MYH15: variants seen among roughly 807,000 people sequenced by gnomAD.
MYH15 encodes the protein myosin-15.
In MYH15, 227 loss-of-function variants were observed where a neutral mutation model predicts 240.5. The observed-to-expected ratio is 0.94, with a 90% CI of 0.85 to 1.05. The LOEUF (loss-of-function observed/expected upper bound fraction) is 1.05, where lower values mean the gene tolerates loss of function less well. Ranked by LOEUF, MYH15 falls within the 50% of genes least tolerant of loss-of-function variation. The pLI is 0.00. For missense variants in MYH15, 2,217 were observed against 2,247.5 expected (o/e 0.99, Z 0.27); for synonymous variants, 785 against 796.7 (o/e 0.99, Z 0.25).
rs9839470 is a variant in MYH15 at position 108,400,002 on chromosome 3, C to T, written c.4737-735G>A. Among the ~76,000 whole-genome samples the T allele has an allele frequency of 6.4e-3, 968 of 152,272 alleles. 11 individuals are homozygous for T. The highest frequency in any genetic ancestry group is 8.3e-3 in the Non-Finnish European group (564 of 68,026). On this transcript the variant is annotated intron_variant, in intron 33 of 40. Coordinates refer to ENST00000693548, the MANE Select transcript of MYH15 (RefSeq NM_014981.3). ...AGAATCCATGGGAATTTGTATTTCC[C>T]AAACTGTTTGTAGTTAGTTTGGGAC...
At chr3:108,504,035 G>T (rs770329268) in intron 2 of MYH15, among the ~76,000 whole-genome samples, 4 of 152,192 alleles carry the variant, frequency 2.6e-5, no homozygotes, top group African/African-American at 4.8e-5. Context: ...CTTAGTGAAA[G>T]AAGCCAGAAA....
chr3:108,435,901 T>C (rs750555321), intron 25 of MYH15, among the ~76,000 whole-genome samples: 11 of 151,862 alleles, frequency 7.2e-5, no homozygotes, highest in Non-Finnish European at 1.3e-4. Context: ...AGTGAATATT[T>C]AGGTTGCTTC....
At chr3:108,436,426 G>C (rs893083563) in intron 25 of MYH15, among the ~76,000 whole-genome samples, 3 of 152,192 alleles carry the variant, frequency 2.0e-5, no homozygotes, top group African/African-American at 4.8e-5. Flanking sequence ...GCCTCACCAA[G>C]AGCATGTATA....
intron 33 of MYH15, among the ~76,000 whole-genome samples, chr3:108,401,238 T>C (rs1478186049): frequency 6.6e-6 from 1 of 152,108 alleles, no homozygotes; most frequent in Non-Finnish European, 1.5e-5. Flanking sequence ...CCTTTAAAGA[T>C]GTAATTAAGA....
chr3:108,465,067 T>C (rs1016605166), intron 14 of MYH15, among the ~76,000 whole-genome samples: 1 of 152,160 alleles, frequency 6.6e-6, no homozygotes, highest in South Asian at 2.1e-4. Context: ...GGTGCGTACA[T>C]TTAGTGGAGT....
intron 15 of MYH15, among the ~76,000 whole-genome samples, chr3:108,463,623 T>G (rs1315631334): frequency 6.6e-6 from 1 of 152,148 alleles, no homozygotes; most frequent in African/African-American, 2.4e-5. Flanking sequence ...GGAGCCACCA[T>G]GCCCAGCCTT....
intron 21 of MYH15, among the ~76,000 whole-genome samples, chr3:108,446,701 C>G (rs1455824447): frequency 2.0e-5 from 3 of 152,078 alleles, no homozygotes; most frequent in Non-Finnish European, 4.4e-5. Context: ...TTAGCAACAA[C>G]GTCCTAAAAT....
At chr3:108,412,265 A>G (rs1453032650) in intron 30 of MYH15, among the ~76,000 whole-genome samples, 6 of 152,144 alleles carry the variant, frequency 3.9e-5, no homozygotes, top group African/African-American at 1.4e-4. Context: ...TGTTGTTCTC[A>G]TGACAGCGAG....
upstream of MYH15, among the ~76,000 whole-genome samples, chr3:108,532,885 A>C (rs2083721052): frequency 6.6e-6 from 1 of 152,142 alleles, no homozygotes; most frequent in African/African-American, 2.4e-5. Flanking sequence ...CTGCCAAACC[A>C]ATGTATTGGC....
intron 33 of MYH15, among the ~76,000 whole-genome samples, chr3:108,403,152 C>T (rs1028559367): frequency 1.2e-4 from 18 of 152,172 alleles, no homozygotes; most frequent in African/African-American, 3.6e-4. Flanking sequence ...ATACCAGCTG[C>T]TTGTACTTTT....
intron 15 of MYH15, 57 bp from the exon 16 acceptor site, chr3:108,463,300 A>G: frequency 6.5e-7 from 1 of 1,542,792 alleles, no homozygotes; most frequent in East Asian, 2.3e-5. Context: ...ATAAGTTAAC[A>G]TGGAAGGCTG....
intron 35 of MYH15, among the ~76,000 whole-genome samples, 199 bp from the exon 36 acceptor site, chr3:108,394,355 G>C (rs1257375284): frequency 2.6e-5 from 4 of 152,208 alleles, no homozygotes; most frequent in African/African-American, 9.7e-5. Context: ...TCACCCATTA[G>C]AAGTTCAAGA....
chr3:108,498,842 T>G (rs956670237), intron 5 of MYH15, among the ~76,000 whole-genome samples: 1 of 152,226 alleles, frequency 6.6e-6, no homozygotes, highest in African/African-American at 2.4e-5. Context: ...CATCATTGCA[T>G]GGGAAGGTAA....
chr3:108,421,972 C>T (rs1274651242), intron 27 of MYH15, among the ~76,000 whole-genome samples: 4 of 152,164 alleles, frequency 2.6e-5, no homozygotes, highest in Admixed American at 6.5e-5. Context: ...CCAGTCTAAT[C>T]GCCAGACTCT....
intron 2 of MYH15, among the ~76,000 whole-genome samples, chr3:108,505,273 T>C (rs955669629): frequency 1.3e-5 from 2 of 152,122 alleles, no homozygotes; most frequent in African/African-American, 2.4e-5. Context: ...GTTTTTTTGT[T>C]TGTTTGTTTG....
chr3:108,430,795 A>G, intron 26 of MYH15, 37 bp downstream of exon 26: 1 of 1,492,006 alleles, frequency 6.7e-7, no homozygotes, highest in Non-Finnish European at 9.3e-7. Flanking sequence ...CCATGGATCT[A>G]AATATAAATA....
chr3:108,434,171 T>A lies in MYH15; in HGVS notation c.3222-3249A>T, dbSNP rs201149781. 6.1e-5 allele frequency among the ~76,000 whole-genome samples: 9 copies of A among 146,646 alleles called. No individual in the cohort carries two copies. In the East Asian group the frequency reaches 1.4e-3, roughly 23 times the overall value. On this transcript the variant is annotated intron_variant, in intron 25 of 40. Transcript: ENST00000693548. The stretch of plus-strand genomic sequence containing the variant: ...ATTGTTGTATTTAATATTTTAAATA[T>A]ATTATTGAATTGAGAATGGTTTTTT...
chr3:108,492,245 G>A (rs1358388964), intron 9 of MYH15, among the ~76,000 whole-genome samples: 1 of 131,206 alleles, frequency 7.6e-6, no homozygotes, highest in Non-Finnish European at 1.7e-5. Flanking sequence ...CCTCTGCTGG[G>A]CATCCTACCC....
At position 108,454,690 on chromosome 3, in the gene MYH15, C is replaced by T. The variant is rs61091661; in HGVS notation, c.2263-548G>A. On this transcript the variant is annotated intron_variant, in intron 20 of 40. Transcript: ENST00000693548. ...TGCTGACCTCTGTTCTAGAGTAAGG[C>T]ACTTTTGTCTAGGCATCAAATAATC... 4.4e-3 allele frequency among the ~76,000 whole-genome samples: 616 copies of T among 138,902 alleles called. 8 individuals are homozygous for T. The highest frequency in any genetic ancestry group is 0.02 in the African/African-American group (593 of 29,140). The allele number at this position is 138,902 out of a possible 152,430, so 91.1% of individuals were successfully genotyped here.
Sources: gnomAD v4.1 joint callset for allele counts (sites outside exome capture counted in the v4.1 genomes callset) on GRCh38, gnomAD v4.1.1 for gene constraint, MANE v1.5 for transcripts, NCBI Gene and HGNC (gene_info 2026-07-23, HGNC 2026-07-21) for gene names.